Variants in INSC observed in about 807,000 individuals in gnomAD.
INSC encodes the protein protein inscuteable homolog.
INSC carries 67 observed loss-of-function variants against 58.6 expected under a neutral mutation model. The ratio of observed to expected loss-of-function variants is 1.14; its 90% CI spans 0.94 to 1.40. The LOEUF is 1.40. Ranked by LOEUF, INSC falls within the 40% of genes most tolerant of loss-of-function variation. INSC has a pLI of 0.00. For synonymous variants in INSC, 262 were observed against 276.1 expected, an observed-to-expected ratio of 0.95 and a Z score of 0.51; for missense variants, 714 against 692.0, an observed-to-expected ratio of 1.03 and a Z score of -0.36.
At chr11:15,245,054 A>G (rs1200046172) in intron 12 of INSC, among the ~76,000 whole-genome samples, 1 of 152,216 alleles carries the variant, frequency 6.6e-6, no homozygotes, top group Non-Finnish European at 1.5e-5. Context: ...GTTGTCTGCT[A>G]TAGATACAGA....
At chr11:15,192,861 A>G (rs183256196) in intron 6 of INSC, among the ~76,000 whole-genome samples, 3 of 152,208 alleles carry the variant, frequency 2.0e-5, no homozygotes, top group Non-Finnish European at 4.4e-5. Flanking sequence ...CTCTAATGAC[A>G]TTTATACTCA....
At chr11:15,149,607 C>A (rs748984683) in intron 2 of INSC, among the ~76,000 whole-genome samples, 4 of 152,050 alleles carry the variant, frequency 2.6e-5, no homozygotes, top group Non-Finnish European at 4.4e-5. Flanking sequence ...GAAAACTGAG[C>A]ATAGAGCTGA....
chr11:15,177,280 G>A (rs1238090798), intron 4 of INSC, 117 bp downstream of exon 4: 13 of 798,752 alleles, frequency 1.6e-5, no homozygotes, highest in Non-Finnish European at 1.7e-5. Context: ...TGGTTTCAGA[G>A]TTTCCTTTTT....
chr11:15,183,299 C>T (rs1013429148), intron 5 of INSC, among the ~76,000 whole-genome samples: 1 of 146,588 alleles, frequency 6.8e-6, no homozygotes, highest in African/African-American at 2.6e-5. Flanking sequence ...TGCCATGAGC[C>T]GAGATCTTGC....
rs1374016994 is a variant in INSC at position 15,247,096 on chromosome 11, T to A, written c.*1056T>A. 1 of 151,928 alleles carries A rather than the reference T, an allele frequency of 6.6e-6. No individual in the cohort carries two copies. The highest frequency in any genetic ancestry group is 2.4e-5 in the African/African-American group (1 of 41,346). The allele number at this position is 151,928 out of a possible 1,614,324, so 9.4% of individuals were successfully genotyped here. Reference sequence around the variant, plus strand: ...TGAAAGTATCACAAAAATCTGGGGATCCTTTTGAAAATATAAATGCCATCA... The same window carrying A: ...TGAAAGTATCACAAAAATCTGGGGAACCTTTTGAAAATATAAATGCCATCA... On this transcript the variant is annotated 3_prime_UTR_variant, in exon 13 of 13. Coordinates refer to ENST00000379556, the MANE Select transcript of INSC (RefSeq NM_001042536.3).
intron 1 of INSC, among the ~76,000 whole-genome samples, chr11:15,115,870 T>C (rs1280264623): frequency 2.0e-5 from 3 of 152,218 alleles, no homozygotes; most frequent in Admixed American, 2.0e-4. Flanking sequence ...GTTCAATGCA[T>C]ATGCGCAAAT....
intron 1 of INSC, among the ~76,000 whole-genome samples, chr11:15,142,014 A>G (rs1023713627): frequency 2.6e-5 from 4 of 152,194 alleles, no homozygotes; most frequent in African/African-American, 7.2e-5. Flanking sequence ...GACAGAGACT[A>G]AATAATCAGT....
intron 1 of INSC, among the ~76,000 whole-genome samples, chr11:15,135,160 T>C (rs947207738): frequency 2.0e-5 from 3 of 152,062 alleles, no homozygotes; most frequent in Non-Finnish European, 4.4e-5. Context: ...CCATGACCAA[T>C]GCATAGAATT....
At chr11:15,235,899 T>C (rs1211260714) in intron 10 of INSC, among the ~76,000 whole-genome samples, 2 of 151,772 alleles carry the variant, frequency 1.3e-5, no homozygotes, top group Non-Finnish European at 2.9e-5. Flanking sequence ...CCACTAAAAA[T>C]ACAGAAATTA....
chr11:15,208,674 C>T (rs1463555959), intron 7 of INSC, among the ~76,000 whole-genome samples: 2 of 152,210 alleles, frequency 1.3e-5, no homozygotes, highest in South Asian at 2.1e-4. Flanking sequence ...GCGCCTTTCC[C>T]GCCAGGTCCA....
intron 9 of INSC, 29 bp downstream of exon 9, chr11:15,225,857 G>A: frequency 6.3e-7 from 1 of 1,599,334 alleles, no homozygotes; most frequent in Non-Finnish European, 8.5e-7. Context: ...ACTGAGCACA[G>A]GGCCCATAGC....
Position 15,240,396 on chromosome 11 carries a change from G to A in INSC, c.1394-51G>A, listed in dbSNP as rs1186011473. The A allele has an allele frequency of 2.0e-6, 3 of 1,531,128 alleles. No individual in the cohort carries two copies. In the South Asian group the frequency reaches 3.4e-5, roughly 17 times the overall value. The allele number at this position is 1,531,128 out of a possible 1,614,324, so 94.8% of individuals were successfully genotyped here. On this transcript the variant is annotated intron_variant, in intron 11 of 12. Transcript: ENST00000379556. Reference sequence around the variant, plus strand: ...GGGAGGCCCAGAACCTCTGGGTCAGGCCTGGCTGGGCCCTGTCCTGGGCCT... The same window carrying A: ...GGGAGGCCCAGAACCTCTGGGTCAGACCTGGCTGGGCCCTGTCCTGGGCCT...
intron 9 of INSC, among the ~76,000 whole-genome samples, chr11:15,231,276 A>C (rs545214111): frequency 1.7e-4 from 26 of 152,290 alleles, no homozygotes; most frequent in African/African-American, 6.0e-4. Context: ...GGTGGAGAGA[A>C]GCACTGGGCT....
At position 15,114,967 on chromosome 11, in the gene INSC, C is replaced by G. The variant is rs1415469690; in HGVS notation, c.-82C>G. On this transcript the variant is annotated 5_prime_UTR_variant, in exon 1 of 13. Coordinates refer to ENST00000379556, the MANE Select transcript of INSC (RefSeq NM_001042536.3). ...GAGCTCCAGCTGCGCCCCGCCACCA[C>G]TGGCCGCTCGCACTACCAGCCTGTC... is the stretch of plus-strand genomic sequence containing the variant. 22 of 985,488 alleles carry G rather than the reference C, an allele frequency of 2.2e-5. No individual in the cohort carries two copies. Among genetic ancestry groups the G allele is most frequent in the Non-Finnish European group, 2.7e-5 (22 of 829,950 alleles). The allele number at this position is 985,488 out of a possible 1,614,324, so 61.0% of individuals were successfully genotyped here. A position where few individuals can be genotyped will look rare whatever the true frequency, so the allele number is the denominator to read the frequency against.
At chr11:15,123,077 C>A (rs1394659557) in intron 1 of INSC, among the ~76,000 whole-genome samples, 1 of 152,154 alleles carries the variant, frequency 6.6e-6, no homozygotes. Flanking sequence ...GGCTCCCTCC[C>A]ACCATAAATC....
At chr11:15,240,397 C>A (rs1852299799) in intron 11 of INSC, 50 bp from the exon 12 acceptor site, 3 of 1,533,698 alleles carry the variant, frequency 2.0e-6, no homozygotes, top group African/African-American at 1.4e-5. Context: ...CTGGGTCAGG[C>A]CTGGCTGGGC....
intron 9 of INSC, among the ~76,000 whole-genome samples, chr11:15,228,563 T>C (rs536186114): frequency 2.6e-5 from 4 of 152,268 alleles, no homozygotes; most frequent in African/African-American, 9.6e-5. Context: ...AGTGGGAGGA[T>C]TAAGGTGATC....
chr11:15,259,899 G>A, the INSC span, among the ~76,000 whole-genome samples: 15 of 152,160 alleles, frequency 9.9e-5, no homozygotes, highest in African/African-American at 2.9e-4. Flanking sequence ...TTTTCTTTGC[G>A]TCCCTAAACA....
intron 9 of INSC, 24 bp downstream of exon 9, chr11:15,225,852 G>T: frequency 1.2e-6 from 2 of 1,603,702 alleles, no homozygotes; most frequent in Non-Finnish European, 1.7e-6. Context: ...AAGGCACTGA[G>T]CACAGGGCCC....
Sources: gnomAD v4.1 joint callset for allele counts (sites outside exome capture counted in the v4.1 genomes callset) on GRCh38, gnomAD v4.1.1 for gene constraint, MANE v1.5 for transcripts, NCBI Gene and HGNC (gene_info 2026-07-23, HGNC 2026-07-21) for gene names.